UBAP2: variants seen among roughly 807,000 people sequenced by gnomAD.
The protein encoded by UBAP2 is ubiquitin associated protein 2, also known as ubiquitin-associated protein 2.
UBAP2 carries 75 observed loss-of-function variants against 139.6 expected under a neutral mutation model. That is an observed-to-expected ratio of 0.54 (90% CI 0.45 to 0.65). The LOEUF (loss-of-function observed/expected upper bound fraction) is 0.65. UBAP2 is among the 30% of genes least tolerant of loss of function. The pLI, the probability that UBAP2 is intolerant of heterozygous loss-of-function variation, is 0.00. For synonymous variants in UBAP2, 526 were observed against 526.2 expected (o/e 1.00, Z 0.01); for missense variants, 1,368 against 1,369.6 (o/e 1.00, Z 0.02).
intron 2 of UBAP2, among the ~76,000 whole-genome samples, chr9:34,007,286 G>C (rs1329578901): frequency 6.6e-6 from 1 of 152,074 alleles, no homozygotes; most frequent in Non-Finnish European, 1.5e-5. Context: ...TTGAGCCTAA[G>C]AGTTTGAAAC....
chr9:33,960,982 C>T (rs1587568560), intron 9 of UBAP2, 104 bp from the exon 10 acceptor site: 1 of 1,034,880 alleles, frequency 9.7e-7, no homozygotes, highest in Non-Finnish European at 1.5e-6. Flanking sequence ...AAGATACATA[C>T]GCCTCACTAG....
intron 8 of UBAP2, among the ~76,000 whole-genome samples, chr9:33,964,443 GTAAC>G (rs1442075727): frequency 2.0e-5 from 3 of 152,170 alleles, no homozygotes; most frequent in African/African-American, 7.2e-5. Flanking sequence ...TTTAAAAAAA[GTAAC>G]TAATTGACTA....
At chr9:33,924,585 G>A (rs1290684072) in intron 22 of UBAP2, among the ~76,000 whole-genome samples, 1 of 152,236 alleles carries the variant, frequency 6.6e-6, no homozygotes, top group African/African-American at 2.4e-5. Context: ...AATGCCTCGG[G>A]CTGAACCAAC....
At chr9:33,966,304 A>T (rs1284112929) in intron 8 of UBAP2, among the ~76,000 whole-genome samples, 1 of 151,474 alleles carries the variant, frequency 6.6e-6, no homozygotes, top group Non-Finnish European at 1.5e-5. Flanking sequence ...AAAAAAAAAA[A>T]AAAAATTAGC....
At chr9:34,006,857 C>T (rs978133402) in intron 2 of UBAP2, among the ~76,000 whole-genome samples, 5 of 152,070 alleles carry the variant, frequency 3.3e-5, no homozygotes, top group African/African-American at 7.2e-5. Flanking sequence ...ACAATCAAAA[C>T]GACTAGAGAA....
At chr9:34,018,448 C>T (rs1449118014) in intron 1 of UBAP2, among the ~76,000 whole-genome samples, 1 of 150,766 alleles carries the variant, frequency 6.6e-6, no homozygotes, top group African/African-American at 2.4e-5. Context: ...AATGGTGGTT[C>T]CTTAAAAAAA....
At chr9:33,955,989 AAG>A in intron 11 of UBAP2, 88 bp downstream of exon 11, 4 of 1,019,388 alleles carry the variant, frequency 3.9e-6, no homozygotes, top group African/African-American at 3.3e-5. Flanking sequence ...AAAAAATAGA[AAG>A]AGACCCAAAA....
chr9:34,020,644 A>G (rs1824859265), intron 1 of UBAP2, among the ~76,000 whole-genome samples: 2 of 137,466 alleles, frequency 1.5e-5, no homozygotes, highest in South Asian at 4.6e-4. Flanking sequence ...CGATTTTAAC[A>G]ATACATGGAA....
intron 1 of UBAP2, among the ~76,000 whole-genome samples, chr9:34,048,074 T>C (rs765226089): frequency 6.6e-6 from 1 of 152,116 alleles, no homozygotes; most frequent in Non-Finnish European, 1.5e-5. Flanking sequence ...CTAATTAGAC[T>C]AAAAACTCAG....
intron 1 of UBAP2, among the ~76,000 whole-genome samples, chr9:34,041,587 C>T (rs1027149962): frequency 6.6e-6 from 1 of 151,426 alleles, no homozygotes; most frequent in Non-Finnish European, 1.5e-5. Context: ...ATCCCAGCTA[C>T]TCGGGAGGCC....
chr9:33,942,433 A>G (rs1247196564), intron 15 of UBAP2, among the ~76,000 whole-genome samples: 1 of 151,284 alleles, frequency 6.6e-6, no homozygotes, highest in East Asian at 2.0e-4. Flanking sequence ...TAAAACAACA[A>G]CAACAACAAA....
chr9:33,923,829 ATGCCTG>A lies in UBAP2; in HGVS notation c.2756_2761del (p.Thr919_Gly920del). On this transcript the variant is annotated inframe_deletion, in exon 24 of 29. Coordinates refer to ENST00000379238, the MANE Select transcript of UBAP2 (RefSeq NM_001370062.2). ...GGGGCCATACTGGAAGGCACTGGGC[ATGCCTG>A]TGTAGTAGGGAAGACCAGTGTAGCT... is the stretch of plus-strand genomic sequence containing the variant. The A allele has an allele frequency of 6.2e-7, 1 of 1,614,220 alleles. No individual in the cohort carries two copies. The highest frequency in any genetic ancestry group is 8.5e-7 in the Non-Finnish European group (1 of 1,180,034).
At chr9:33,986,958 T>C in intron 5 of UBAP2, 121 bp from the exon 6 acceptor site, 3 of 899,650 alleles carry the variant, frequency 3.3e-6, no homozygotes, top group South Asian at 2.9e-5. Context: ...AAACAACGGG[T>C]TCAAAAACAG....
chr9:34,015,250 C>G (rs914792268), intron 2 of UBAP2, among the ~76,000 whole-genome samples: 1 of 152,184 alleles, frequency 6.6e-6, no homozygotes, highest in Non-Finnish European at 1.5e-5. Flanking sequence ...ACTTATCTCA[C>G]TTCACTTAAA....
At chr9:33,981,228 TATATATATATATTCTGG>T (rs1318571492) in intron 6 of UBAP2, among the ~76,000 whole-genome samples, 17 of 103,844 alleles carry the variant, frequency 1.6e-4, no homozygotes, top group African/African-American at 2.9e-4. Flanking sequence ...ATATTCTGGA[TATATATATATATTCTGG>T]ATATATATAT....
chr9:33,995,985 T>C, intron 4 of UBAP2: 2 of 384,196 alleles, frequency 5.2e-6, no homozygotes, highest in South Asian at 4.1e-5. Context: ...TTTTGGAAAC[T>C]GTAAGGCTGG....
intron 1 of UBAP2, among the ~76,000 whole-genome samples, chr9:34,020,153 A>ATT (rs1376511029): frequency 0.014 from 2,142 of 149,460 alleles, 32 homozygotes; most frequent in Non-Finnish European, 0.023. Context: ...CCATTATTAA[A>ATT]AAAAAAAAAA....
intron 1 of UBAP2, among the ~76,000 whole-genome samples, chr9:34,017,686 C>T (rs569448262): frequency 8.5e-5 from 13 of 152,152 alleles, no homozygotes; most frequent in East Asian, 3.9e-4. Flanking sequence ...CAGCAATTCA[C>T]GAGGCCGAGG....
rs1825421916 is a variant in UBAP2 at position 33,943,658 on chromosome 9, A to T, written c.1546-69T>A. The T allele has an allele frequency of 1.8e-5, 26 of 1,474,052 alleles. 1 individual carries two copies. The South Asian group carries it at 3.3e-4, about 19-fold the overall frequency. 91.3% of individuals were successfully genotyped at this position (1,474,052 alleles called of 1,614,324 possible). ...TCCAGGTCACAAAGGCCTATAACAG[A>T]GCCAAACAAGCATTTAGGTTCCCAG... is the stretch of plus-strand genomic sequence containing the variant. On this transcript the variant is annotated intron_variant, in intron 14 of 28. Transcript: ENST00000379238.
Sources: allele counts gnomAD v4.1 joint callset (sites outside exome capture counted in the v4.1 genomes callset), GRCh38; gene constraint gnomAD v4.1.1; transcripts MANE v1.5; gene names NCBI Gene and HGNC (gene_info 2026-07-23, HGNC 2026-07-21).